ARNT2: variants seen among roughly 807,000 people sequenced by gnomAD.
ARNT2 encodes ARNT protein 2.
A neutral mutation model predicts 91.7 loss-of-function variants in ARNT2; 36 were observed. The ratio of observed to expected loss-of-function variants is 0.39; its 90% confidence interval spans 0.30 to 0.52. The LOEUF is 0.52. ARNT2 is among the 20% of genes least tolerant of loss of function. ARNT2 has a pLI of 0.72. For missense variants in ARNT2, 775 were observed against 939.3 expected (o/e 0.83, Z 2.29); for synonymous variants, 365 against 347.1 (o/e 1.05, Z -0.57).
chr15:80,516,828 A>AATATATAT (rs56146872), intron 8 of ARNT2, among the ~76,000 whole-genome samples: 1,469 of 74,754 alleles, frequency 0.02, 89 homozygotes, highest in East Asian at 0.095. Context: ...TACAATTACA[A>AATATATAT]ATATATATAT....
chr15:80,544,647 G>T (rs571953099), intron 8 of ARNT2, among the ~76,000 whole-genome samples: 1 of 152,134 alleles, frequency 6.6e-6, no homozygotes, highest in Non-Finnish European at 1.5e-5. Context: ...TTTATTATCA[G>T]TAAGCCAGGC....
intron 14 of ARNT2, among the ~76,000 whole-genome samples, chr15:80,575,892 G>A (rs1050728526): frequency 1.3e-5 from 2 of 152,162 alleles, no homozygotes; most frequent in Admixed American, 1.3e-4. Flanking sequence ...GCCCTCCCTC[G>A]CCGGCTCATG....
chr15:80,462,656 C>T (rs890604530), intron 3 of ARNT2, among the ~76,000 whole-genome samples: 2 of 152,164 alleles, frequency 1.3e-5, no homozygotes, highest in Admixed American at 1.3e-4. Context: ...ACTCAAAATC[C>T]CTTATCAAGG....
chr15:80,546,975 C>CAAACA (rs920948512), intron 8 of ARNT2, among the ~76,000 whole-genome samples: 1 of 150,598 alleles, frequency 6.6e-6, no homozygotes, highest in Non-Finnish European at 1.5e-5. Flanking sequence ...AAAAAAAAAC[C>CAAACA]AAACAAAACA....
At chr15:80,446,734 G>C (rs1896311232) in intron 1 of ARNT2, among the ~76,000 whole-genome samples, 1 of 150,728 alleles carries the variant, frequency 6.6e-6, no homozygotes, top group South Asian at 2.2e-4. Context: ...AGATGGCAGA[G>C]TGCTGGAAAC....
chr15:80,451,626 C>T (rs927302741), intron 2 of ARNT2, among the ~76,000 whole-genome samples: 9 of 152,062 alleles, frequency 5.9e-5, no homozygotes, highest in Non-Finnish European at 1.3e-4. Context: ...ACCTGAAAAA[C>T]CAACCAACCA....
intron 5 of ARNT2, among the ~76,000 whole-genome samples, chr15:80,489,379 A>G (rs1428217455): frequency 1.3e-5 from 2 of 152,244 alleles, no homozygotes; most frequent in Non-Finnish European, 2.9e-5. Flanking sequence ...TTCTACTCCA[A>G]CGCAAAGCCT....
rs1189852504 is a variant in ARNT2 at position 80,597,881 on chromosome 15, T to C, written c.*4183T>C. ...GTCGGTTGTGTATATGTGTAACTAA[T>C]GTAACTGCCTTTTAAAATTTCATTA... is the stretch of plus-strand genomic sequence containing the variant. On this transcript the variant is annotated 3_prime_UTR_variant, in exon 19 of 19. Transcript: ENST00000303329. 1 of 152,730 alleles carries C rather than the reference T, an allele frequency of 6.5e-6. No homozygotes were observed. The highest frequency in any genetic ancestry group is 1.5e-5 in the Non-Finnish European group (1 of 68,084). 9.5% of individuals were successfully genotyped at this position (152,730 alleles called of 1,614,324 possible).
At chr15:80,543,094 C>CAAAAAAAAAAA (rs368917679) in intron 8 of ARNT2, among the ~76,000 whole-genome samples, 2 of 86,716 alleles carry the variant, frequency 2.3e-5, no homozygotes, top group Non-Finnish European at 4.8e-5. Context: ...CAGACCCGGT[C>CAAAAAAAAAAA]AAAAAAAAAA....
chr15:80,580,127 G>T, intron 15 of ARNT2: 1 of 374,314 alleles, frequency 2.7e-6, no homozygotes, highest in Non-Finnish European at 5.0e-6. Flanking sequence ...GCATAGGATA[G>T]GGGCTGAAGA....
intron 1 of ARNT2, among the ~76,000 whole-genome samples, chr15:80,412,910 A>T (rs1895708391): frequency 6.6e-6 from 1 of 152,208 alleles, no homozygotes; most frequent in Non-Finnish European, 1.5e-5. Flanking sequence ...AGGTAGGTGG[A>T]TGAGTAGGTC....
intron 2 of ARNT2, among the ~76,000 whole-genome samples, chr15:80,453,600 T>A (rs893830798): frequency 1.3e-5 from 2 of 152,162 alleles, no homozygotes; most frequent in Non-Finnish European, 2.9e-5. Context: ...AACACTTAAC[T>A]AAGTACAAAG....
intron 12 of ARNT2, among the ~76,000 whole-genome samples, chr15:80,565,874 G>T (rs1898471592): frequency 6.6e-6 from 1 of 151,714 alleles, no homozygotes; most frequent in Non-Finnish European, 1.5e-5. Context: ...GTGTTTGTTT[G>T]TTTTTTCTGT....
chr15:80,580,371 A>C (rs1898770066), intron 15 of ARNT2, 40 bp from the exon 16 acceptor site: 1 of 1,612,000 alleles, frequency 6.2e-7, no homozygotes, highest in South Asian at 1.1e-5. Context: ...CATGCAAACC[A>C]GGTGTGTCCT....
Position 80,574,643 on chromosome 15 carries a change from C to T in ARNT2, c.1390-344C>T, listed in dbSNP as rs549132039. On this transcript the variant is annotated intron_variant, in intron 13 of 18. Coordinates refer to ENST00000303329, the MANE Select transcript of ARNT2 (RefSeq NM_014862.4). ...TCATGCTCTGAGCCTCCCTCTTCAC[C>T]GGCTCTGTCTCCTTTCCTTCTCCTA... Among the ~76,000 whole-genome samples the T allele has an allele frequency of 7.9e-5, 12 of 152,298 alleles. No individual in the cohort carries two copies. The South Asian group carries it at 1.7e-3, about 21-fold the overall frequency.
intron 3 of ARNT2, among the ~76,000 whole-genome samples, chr15:80,461,739 C>T (rs151095950): frequency 9.2e-4 from 140 of 152,118 alleles, no homozygotes; most frequent in African/African-American, 3.1e-3. Flanking sequence ...GTGGCAGAGA[C>T]GGATGGCACG....
intron 1 of ARNT2, among the ~76,000 whole-genome samples, chr15:80,426,557 G>A (rs1166250025): frequency 6.6e-6 from 1 of 152,222 alleles, no homozygotes; most frequent in African/African-American, 2.4e-5. Flanking sequence ...CTAAGGGAAG[G>A]AGGGGCTTGG....
chr15:80,463,734 G>A (rs34004817), intron 3 of ARNT2, among the ~76,000 whole-genome samples: 50,187 of 151,816 alleles, frequency 0.33, 9,716 homozygotes, highest in East Asian at 0.56. Flanking sequence ...GTGCACCACC[G>A]CGCCCGGCTA....
intron 5 of ARNT2, among the ~76,000 whole-genome samples, chr15:80,477,920 A>C (rs183842623): frequency 3.3e-5 from 5 of 152,352 alleles, no homozygotes; most frequent in Admixed American, 1.3e-4. Flanking sequence ...CTGGTGATCA[A>C]AGATGTAAAA....
Sources: gnomAD v4.1 joint callset for allele counts (sites outside exome capture counted in the v4.1 genomes callset) on GRCh38, gnomAD v4.1.1 for gene constraint, MANE v1.5 for transcripts, NCBI Gene and HGNC (gene_info 2026-07-23, HGNC 2026-07-21) for gene names.